Variants in PAWR observed in about 807,000 individuals in gnomAD.
PAWR encodes the protein pro-apoptotic WT1 regulator, also known as PRKC apoptosis WT1 regulator protein.
PAWR carries 23 observed loss-of-function variants against 32.0 expected under a neutral mutation model. That is an observed-to-expected ratio of 0.72 (90% CI 0.52 to 1.02). The LOEUF is 1.02. Ranked by LOEUF, PAWR falls within the 50% of genes least tolerant of loss-of-function variation. The probability of loss-of-function intolerance (pLI) is 0.00; values close to 1 mark genes in which losing one functional copy is unlikely to be tolerated. For synonymous variants in PAWR, 226 were observed against 187.1 expected (o/e 1.21, Z -1.70); for missense variants, 457 against 437.7 (o/e 1.04, Z -0.39).
rs193148224 is a variant in PAWR at position 79,624,926 on chromosome 12, G to A, written c.517-3719C>T. On this transcript the variant is annotated intron_variant, in intron 2 of 6. Transcript: ENST00000328827. ...TCTGTATATATGCAATGGATTTCCT[G>A]GATAGATTCTTAGTATTAGGATTGC... Among the ~76,000 whole-genome samples, 3 of 152,208 alleles carry A rather than the reference G, an allele frequency of 2.0e-5. No homozygotes were observed. The East Asian group carries it at 5.8e-4, about 29-fold the overall frequency.
intron 2 of PAWR, among the ~76,000 whole-genome samples, chr12:79,689,524 G>T (rs145200260): frequency 6.6e-6 from 1 of 152,196 alleles, no homozygotes; most frequent in Non-Finnish European, 1.5e-5. Context: ...TGAAAAGCAC[G>T]TGTCCTACTC....
At chr12:79,671,103 A>G (rs1253004899) in intron 2 of PAWR, among the ~76,000 whole-genome samples, 1 of 150,938 alleles carries the variant, frequency 6.6e-6, no homozygotes, top group Non-Finnish European at 1.5e-5. Context: ...AGCCTGGGCA[A>G]AAAGCAAGAC....
intron 2 of PAWR, among the ~76,000 whole-genome samples, chr12:79,686,686 A>T (rs1409925109): frequency 6.6e-6 from 1 of 152,208 alleles, no homozygotes; most frequent in Non-Finnish European, 1.5e-5. Context: ...GTATACATGT[A>T]CATATGTGAG....
chr12:79,661,400 A>T (rs1282565514), intron 2 of PAWR, among the ~76,000 whole-genome samples: 2 of 152,298 alleles, frequency 1.3e-5, no homozygotes, highest in Non-Finnish European at 1.5e-5. Flanking sequence ...TGAAAGAAAA[A>T]ATCTCTGGAG....
rs967182877 is a variant in PAWR at position 79,589,475 on chromosome 12, GAAA to G, written c.*3129_*3131del. ...ACAATTAAAAATTTTTTAAACTGAA[GAAA>G]AAAAAAAACTACATTGCTCCACATA... is the stretch of plus-strand genomic sequence containing the variant. On this transcript the variant is annotated 3_prime_UTR_variant, in exon 7 of 7. Coordinates refer to ENST00000328827, the MANE Select transcript of PAWR (RefSeq NM_002583.4). 1 of 142,046 alleles carries G rather than the reference GAAA, an allele frequency of 7.0e-6. No homozygotes were observed. Among genetic ancestry groups the G allele is most frequent in the African/African-American group, 2.6e-5 (1 of 38,970 alleles). The allele number at this position is 142,046 out of a possible 1,614,324, so 8.8% of individuals were successfully genotyped here.
At chr12:79,676,876 A>C (rs1878195647) in intron 2 of PAWR, among the ~76,000 whole-genome samples, 1 of 152,164 alleles carries the variant, frequency 6.6e-6, no homozygotes, top group African/African-American at 2.4e-5. Context: ...TTCAGTTCAA[A>C]TCTCACATTC....
chr12:79,613,207 A>G (rs1352874416), intron 4 of PAWR, among the ~76,000 whole-genome samples: 1 of 152,230 alleles, frequency 6.6e-6, no homozygotes, highest in Non-Finnish European at 1.5e-5. Flanking sequence ...AAATGTGAGA[A>G]AATTAATTTC....
intron 2 of PAWR, among the ~76,000 whole-genome samples, chr12:79,633,903 A>G (rs1472881526): frequency 6.6e-6 from 1 of 152,198 alleles, no homozygotes; most frequent in Non-Finnish European, 1.5e-5. Context: ...GTATTTAAAG[A>G]TGACATAACA....
rs1351707768 is a variant in PAWR, at chr12:79,587,976, C to T, written c.*4631G>A. 6.6e-6 allele frequency: 1 copy of T among 151,950 alleles called. No individual in the cohort carries two copies. The highest frequency in any genetic ancestry group is 1.5e-5 in the Non-Finnish European group (1 of 67,848). 9.4% of individuals were successfully genotyped at this position (151,950 alleles called of 1,614,324 possible). Reference sequence around the variant, plus strand: ...GTTTTTCCACAAATATTTGGATTACCTGAATTAGCTGATTCTTCAGCAAAA... The same window carrying T: ...GTTTTTCCACAAATATTTGGATTACTTGAATTAGCTGATTCTTCAGCAAAA... On this transcript the variant is annotated 3_prime_UTR_variant, in exon 7 of 7. Transcript: ENST00000328827.
intron 2 of PAWR, among the ~76,000 whole-genome samples, chr12:79,662,758 A>G (rs1256910931): frequency 6.6e-6 from 1 of 152,228 alleles, no homozygotes; most frequent in African/African-American, 2.4e-5. Context: ...CATAAAGCCT[A>G]TCTACTTTTT....
intron 2 of PAWR, among the ~76,000 whole-genome samples, chr12:79,638,434 TTC>T (rs1876072672): frequency 1.3e-5 from 2 of 152,186 alleles, no homozygotes; most frequent in African/African-American, 4.8e-5. Flanking sequence ...TACCTTTTAA[TTC>T]TGTTTAATTT....
intron 2 of PAWR, among the ~76,000 whole-genome samples, chr12:79,634,664 A>C (rs74470045): frequency 6.6e-6 from 1 of 151,508 alleles, no homozygotes; most frequent in Non-Finnish European, 1.5e-5. Context: ...TTTTAAGAAA[A>C]AGAACAGAAT....
chr12:79,609,688 T>C (rs1874350417), intron 4 of PAWR, among the ~76,000 whole-genome samples: 1 of 152,114 alleles, frequency 6.6e-6, no homozygotes, highest in Non-Finnish European at 1.5e-5. Flanking sequence ...TCATTGGCAA[T>C]ATAATCCTCC....
At chr12:79,672,137 T>G (rs1410708345) in intron 2 of PAWR, among the ~76,000 whole-genome samples, 1 of 152,050 alleles carries the variant, frequency 6.6e-6, no homozygotes, top group Non-Finnish European at 1.5e-5. Flanking sequence ...ACCTGGTCAC[T>G]CTCTCCTGTA....
At chr12:79,646,648 T>TAGAAAGAGAAAAAAGG (rs1876589082) in intron 2 of PAWR, among the ~76,000 whole-genome samples, 1 of 152,094 alleles carries the variant, frequency 6.6e-6, no homozygotes, top group Non-Finnish European at 1.5e-5. Context: ...AAGTTTTATA[T>TAGAAAGAGAAAAAAGG]AGAAAGAGAA....
At chr12:79,606,061 G>A (rs1013236955) in intron 4 of PAWR, among the ~76,000 whole-genome samples, 2 of 152,066 alleles carry the variant, frequency 1.3e-5, no homozygotes, top group African/African-American at 4.8e-5. Context: ...GCAACAGAGT[G>A]AGACTCTGCC....
At chr12:79,593,666 T>C (rs1027928455) in intron 6 of PAWR, among the ~76,000 whole-genome samples, 2 of 144,018 alleles carry the variant, frequency 1.4e-5, no homozygotes, top group Non-Finnish European at 3.0e-5. Context: ...TCTCAAAAAA[T>C]AATAATAATA....
intron 2 of PAWR, among the ~76,000 whole-genome samples, chr12:79,621,560 A>T (rs961934354): frequency 1.3e-5 from 2 of 152,182 alleles, no homozygotes; most frequent in African/African-American, 4.8e-5. Flanking sequence ...GGATGCATTA[A>T]AGAAATGGAA....
intron 3 of PAWR, among the ~76,000 whole-genome samples, chr12:79,620,770 A>C (rs8176873): frequency 6.6e-6 from 1 of 152,166 alleles, no homozygotes; most frequent in East Asian, 1.9e-4. Context: ...GTCAAAACCT[A>C]ATCAAGTTGA....
Sources: allele counts gnomAD v4.1 joint callset (sites outside exome capture counted in the v4.1 genomes callset), GRCh38; gene constraint gnomAD v4.1.1; transcripts MANE v1.5; gene names NCBI Gene and HGNC (gene_info 2026-07-23, HGNC 2026-07-21).